Variants in CCDC3 observed in about 807,000 individuals in gnomAD.
CCDC3 encodes the protein coiled-coil domain containing 3, also known as coiled-coil domain-containing protein 3.
In CCDC3, 24 loss-of-function variants were observed where a neutral mutation model predicts 21.4. The observed-to-expected ratio is 1.12, with a 90% confidence interval of 0.81 to 1.58. The LOEUF is 1.58. Among genes scored for constraint, CCDC3 ranks in the 40% most tolerant of loss-of-function variants. The pLI, the probability that CCDC3 is intolerant of heterozygous loss-of-function variation, is 0.00. For missense variants in CCDC3, 425 were observed against 360.9 expected (o/e 1.18, Z -1.44); for synonymous variants, 186 against 166.0 (o/e 1.12, Z -0.93).
intron 2 of CCDC3, among the ~76,000 whole-genome samples, chr10:12,993,526 T>C (rs1835709295): frequency 1.3e-5 from 2 of 152,212 alleles, no homozygotes. Context: ...TGGGTCAGTC[T>C]GGGTCTTGGT....
chr10:12,900,769 A>G (rs1834081199), intron 2 of CCDC3, among the ~76,000 whole-genome samples: 1 of 151,452 alleles, frequency 6.6e-6, no homozygotes, highest in South Asian at 2.1e-4. Context: ...TGAAGAGCTC[A>G]GACCCTGAGG....
At chr10:13,012,126 A>G (rs1204812998) in intron 5 of CCDC3, among the ~76,000 whole-genome samples, 1 of 152,244 alleles carries the variant, frequency 6.6e-6, no homozygotes, top group Non-Finnish European at 1.5e-5. Flanking sequence ...ACCATTTTGG[A>G]CATAGAAACT....
intron 5 of CCDC3, among the ~76,000 whole-genome samples, chr10:13,014,179 C>T (rs911550984): frequency 6.7e-5 from 10 of 148,540 alleles, no homozygotes; most frequent in Non-Finnish European, 1.5e-4. Context: ...GAAAGCCGGG[C>T]GCAGTGGCTC....
chr10:12,974,683 G>A (rs890516419), intron 2 of CCDC3, among the ~76,000 whole-genome samples: 1 of 152,154 alleles, frequency 6.6e-6, no homozygotes, highest in Non-Finnish European at 1.5e-5. Flanking sequence ...GACCCAGGCT[G>A]GGCTGTATCC....
chr10:12,941,674 G>A (rs1011430069), intron 2 of CCDC3, among the ~76,000 whole-genome samples: 1 of 152,200 alleles, frequency 6.6e-6, no homozygotes, highest in African/African-American at 2.4e-5. Flanking sequence ...AATTACAGGA[G>A]CCCATGAGTC....
intron 4 of CCDC3, chr10:13,058,405 G>A: frequency 8.2e-6 from 7 of 850,852 alleles, no homozygotes; most frequent in Admixed American, 1.7e-5. Flanking sequence ...AATTTGTCAG[G>A]CCAACCTTCA....
chr10:13,093,669 A>AGG (rs1386286696), intron 3 of CCDC3, among the ~76,000 whole-genome samples: 3 of 152,142 alleles, frequency 2.0e-5, no homozygotes, highest in Admixed American at 1.3e-4. Flanking sequence ...CCTAGGGGTG[A>AGG]GTTCTCAGGT....
intron 5 of CCDC3, among the ~76,000 whole-genome samples, chr10:13,017,203 G>A (rs1836075303): frequency 6.6e-6 from 1 of 151,898 alleles, no homozygotes; most frequent in Non-Finnish European, 1.5e-5. Context: ...TTTCATGTAA[G>A]CCAGATGAAG....
intron 3 of CCDC3, among the ~76,000 whole-genome samples, chr10:13,080,314 A>G (rs1425933706): frequency 6.6e-6 from 1 of 152,228 alleles, no homozygotes; most frequent in East Asian, 1.9e-4. Context: ...AGGAAGAGAA[A>G]TAGTGTAAAA....
chr10:13,069,854 T>C (rs1363125143), intron 4 of CCDC3, among the ~76,000 whole-genome samples: 1 of 152,238 alleles, frequency 6.6e-6, no homozygotes, highest in African/African-American at 2.4e-5. Flanking sequence ...ATCATGTTTC[T>C]GACTATAACT....
At chr10:12,899,433 C>T (rs1834060465) in intron 2 of CCDC3, among the ~76,000 whole-genome samples, 1 of 152,102 alleles carries the variant, frequency 6.6e-6, no homozygotes, top group Non-Finnish European at 1.5e-5. Flanking sequence ...ACTGCATATA[C>T]CCTTTGATCT....
chr10:12,968,849 A>C (rs1409550308), intron 2 of CCDC3, among the ~76,000 whole-genome samples: 1 of 152,170 alleles, frequency 6.6e-6, no homozygotes, highest in East Asian at 1.9e-4. Flanking sequence ...GCAAAAATCT[A>C]TAGTAGATAC....
chr10:12,968,339 T>C (rs1050989955), intron 2 of CCDC3, among the ~76,000 whole-genome samples: 3 of 152,072 alleles, frequency 2.0e-5, no homozygotes, highest in African/African-American at 7.2e-5. Context: ...TGGGATGATA[T>C]ATTCAAAGTA....
At chr10:12,968,482 G>T (rs1223954859) in intron 2 of CCDC3, among the ~76,000 whole-genome samples, 1 of 152,170 alleles carries the variant, frequency 6.6e-6, no homozygotes, top group Non-Finnish European at 1.5e-5. Context: ...TACAAGAAAG[G>T]TTAAAGAGAG....
intron 5 of CCDC3, among the ~76,000 whole-genome samples, chr10:13,033,079 G>A (rs1480579973): frequency 6.6e-6 from 1 of 152,190 alleles, no homozygotes; most frequent in African/African-American, 2.4e-5. Flanking sequence ...CATGCTACCT[G>A]ACTTCAAACT....
chr10:13,027,806 T>G (rs570296164), intron 5 of CCDC3, among the ~76,000 whole-genome samples: 79 of 152,198 alleles, frequency 5.2e-4, no homozygotes, highest in African/African-American at 1.8e-3. Flanking sequence ...TGACTACTAT[T>G]AGCACCATTT....
At chr10:13,055,390 G>T (rs997375647) in intron 4 of CCDC3, among the ~76,000 whole-genome samples, 2 of 151,834 alleles carry the variant, frequency 1.3e-5, no homozygotes, top group African/African-American at 2.4e-5. Context: ...GGAGTGCAGA[G>T]GTATGATCAT....
intron 3 of CCDC3, among the ~76,000 whole-genome samples, chr10:13,086,029 G>T (rs996058478): frequency 6.6e-6 from 1 of 151,822 alleles, no homozygotes; most frequent in African/African-American, 2.4e-5. Flanking sequence ...AAGTTTGGAT[G>T]AAAAGATAAT....
At chr10:13,053,014 G>A (rs1487367020) in intron 4 of CCDC3, among the ~76,000 whole-genome samples, 2 of 147,534 alleles carry the variant, frequency 1.4e-5, no homozygotes, top group Admixed American at 6.8e-5. Flanking sequence ...AAGTTCCAAT[G>A]TTTTTTTTCT....
Sources: allele counts gnomAD v4.1 joint callset (sites outside exome capture counted in the v4.1 genomes callset), GRCh38; gene constraint gnomAD v4.1.1; transcripts MANE v1.5; gene names NCBI Gene and HGNC (gene_info 2026-07-23, HGNC 2026-07-21).